The following SGCZ variants were observed in gnomAD, a reference collection of about 807,000 sequenced individuals.
The protein encoded by SGCZ is sarcoglycan zeta.
A neutral mutation model predicts 41.3 loss-of-function variants in SGCZ; 40 were observed. That is an observed-to-expected ratio of 0.97 (90% confidence interval 0.75 to 1.26). The LOEUF is 1.26. Among genes scored for constraint, SGCZ ranks in the 50% most tolerant of loss-of-function variants. The pLI is 0.00. For synonymous variants in SGCZ, 206 were observed against 137.5 expected (o/e 1.50, Z -3.49); for missense variants, 552 against 369.8 (o/e 1.49, Z -4.04).
intron 3 of SGCZ, among the ~76,000 whole-genome samples, chr8:14,281,318 A>G (rs1326243687): frequency 6.6e-6 from 1 of 152,002 alleles, no homozygotes; most frequent in African/African-American, 2.4e-5. Context: ...CCTTAGGTCA[A>G]GATGCTTTAT....
At chr8:14,566,822 G>A (rs948406246) in intron 1 of SGCZ, among the ~76,000 whole-genome samples, 2 of 152,198 alleles carry the variant, frequency 1.3e-5, no homozygotes, top group African/African-American at 4.8e-5. Flanking sequence ...GAGGTGTGGA[G>A]GGAGAGGCAC....
intron 1 of SGCZ, among the ~76,000 whole-genome samples, chr8:14,588,182 G>A (rs1464039259): frequency 8.2e-6 from 1 of 122,130 alleles, no homozygotes; most frequent in Non-Finnish European, 1.7e-5. Flanking sequence ...TTCAGGAATA[G>A]CCATTGATTA....
intron 1 of SGCZ, among the ~76,000 whole-genome samples, chr8:14,702,731 T>TGATAGATACATAGATAGATA (rs1554483736): frequency 1.1e-5 from 1 of 91,200 alleles, no homozygotes. Context: ...CTGGCTTCAA[T>TGATAGATACATAGATAGATA]GATAGATAGA....
intron 1 of SGCZ, among the ~76,000 whole-genome samples, chr8:14,790,511 T>C (rs918707709): frequency 2.0e-5 from 3 of 152,068 alleles, no homozygotes; most frequent in Non-Finnish European, 4.4e-5. Flanking sequence ...TGGAAAATAG[T>C]CCAAAACATT....
intron 2 of SGCZ, among the ~76,000 whole-genome samples, chr8:14,470,248 A>T (rs2116976103): frequency 6.6e-6 from 1 of 152,292 alleles, no homozygotes; most frequent in Admixed American, 6.5e-5. Flanking sequence ...AATAGAAAAA[A>T]AAATGCTGAG....
intron 1 of SGCZ, among the ~76,000 whole-genome samples, chr8:14,842,836 T>A (rs74762615): frequency 6.6e-6 from 1 of 152,202 alleles, no homozygotes; most frequent in Admixed American, 6.5e-5. Flanking sequence ...AAAGTTAGCA[T>A]TGAAAACGGG....
At chr8:14,641,802 C>G (rs765167431) in intron 1 of SGCZ, among the ~76,000 whole-genome samples, 1 of 151,586 alleles carries the variant, frequency 6.6e-6, no homozygotes, top group African/African-American at 2.4e-5. Flanking sequence ...CTTTCCCATT[C>G]TTATAATCCT....
chr8:14,150,941 A>G (rs55829066), intron 5 of SGCZ, among the ~76,000 whole-genome samples: 5,537 of 152,256 alleles, frequency 0.036, 323 homozygotes, highest in African/African-American at 0.13. Context: ...CAAACATCAC[A>G]TGTTCTCACT....
At chr8:14,628,048 CAT>C (rs1305943060) in intron 1 of SGCZ, among the ~76,000 whole-genome samples, 1 of 152,046 alleles carries the variant, frequency 6.6e-6, no homozygotes, top group East Asian at 1.9e-4. Context: ...AGGCAGGCCT[CAT>C]AGACAGTTCA....
At chr8:14,615,616 C>G (rs1041177257) in intron 1 of SGCZ, among the ~76,000 whole-genome samples, 3 of 152,118 alleles carry the variant, frequency 2.0e-5, no homozygotes, top group African/African-American at 7.2e-5. Flanking sequence ...TTAAACATCA[C>G]CCCGGAAGAA....
chr8:14,244,172 TCCTCTTCCTTCTTCCTCC>T, intron 3 of SGCZ, among the ~76,000 whole-genome samples: 1 of 150,678 alleles, frequency 6.6e-6, no homozygotes, highest in Non-Finnish European at 1.5e-5. Context: ...TTCTTCCTCC[TCCTCTTCCTTCTTCCTCC>T]TCCTCTTCCT....
At chr8:14,747,525 T>C (rs973029234) in intron 1 of SGCZ, among the ~76,000 whole-genome samples, 1 of 152,128 alleles carries the variant, frequency 6.6e-6, no homozygotes, top group African/African-American at 2.4e-5. Flanking sequence ...GTAAAAAGTT[T>C]TGTGATTATC....
chr8:14,923,019 T>C (rs1563365586), intron 1 of SGCZ, among the ~76,000 whole-genome samples: 1 of 152,378 alleles, frequency 6.6e-6, no homozygotes, highest in East Asian at 1.9e-4. Flanking sequence ...AGGTTTTGCC[T>C]TTGTTTTGCA....
chr8:14,205,045 T>C (rs1805574119), intron 4 of SGCZ, among the ~76,000 whole-genome samples: 1 of 152,220 alleles, frequency 6.6e-6, no homozygotes, highest in Non-Finnish European at 1.5e-5. Flanking sequence ...TATCTATCTA[T>C]GCATCAAGTC....
At chr8:14,706,349 T>G (rs964049380) in intron 1 of SGCZ, among the ~76,000 whole-genome samples, 2 of 152,140 alleles carry the variant, frequency 1.3e-5, no homozygotes, top group Non-Finnish European at 1.5e-5. Context: ...ATGTGAAATC[T>G]CTATGATGTT....
intron 3 of SGCZ, among the ~76,000 whole-genome samples, chr8:14,243,184 T>G (rs1433110867): frequency 1.3e-5 from 2 of 152,214 alleles, no homozygotes; most frequent in Non-Finnish European, 1.5e-5. Context: ...GTGACCTATT[T>G]TGTTCAGTGT....
At chr8:14,109,787 A>AT (rs910340634) in intron 5 of SGCZ, among the ~76,000 whole-genome samples, 41 of 151,684 alleles carry the variant, frequency 2.7e-4, no homozygotes, top group African/African-American at 8.0e-4. Context: ...ACAGGAAGAG[A>AT]TTTTTTTTTC....
At chr8:15,215,556 G>A (rs951610471) in intron 1 of SGCZ, among the ~76,000 whole-genome samples, 1 of 152,120 alleles carries the variant, frequency 6.6e-6, no homozygotes, top group East Asian at 1.9e-4. Context: ...ATTAGCTCAG[G>A]ATGATCAGGG....
rs1054737379 is a variant in SGCZ at position 15,104,604 on chromosome 8, C to T, written c.39+132981G>A. Among the ~76,000 whole-genome samples, 4 of 152,166 alleles carry T rather than the reference C, an allele frequency of 2.6e-5. No homozygotes were observed. The South Asian group carries it at 8.3e-4, about 32-fold the overall frequency. On this transcript the variant is annotated intron_variant, in intron 1 of 7. Coordinates refer to ENST00000382080, the MANE Select transcript of SGCZ (RefSeq NM_139167.4). ...GTGTGTTCTTCCAAAAATGTTTATA[C>T]ACATAAACTATTCTGTAAGTATGTA...
Sources: gnomAD v4.1 joint callset for allele counts (sites outside exome capture counted in the v4.1 genomes callset) on GRCh38, gnomAD v4.1.1 for gene constraint, MANE v1.5 for transcripts, NCBI Gene and HGNC (gene_info 2026-07-23, HGNC 2026-07-21) for gene names.